IRF6: variants seen among roughly 807,000 people sequenced by gnomAD.
The protein encoded by IRF6 is interferon regulatory factor 6.
IRF6 carries 6 observed loss-of-function variants against 51.4 expected under a neutral mutation model. That is an observed-to-expected ratio of 0.12 (90% CI 0.06 to 0.23). IRF6 has a LOEUF of 0.23. Among genes scored for constraint, IRF6 ranks in the 10% least tolerant of loss-of-function variants. The pLI, the probability that IRF6 is intolerant of heterozygous loss-of-function variation, is 1.00. For synonymous variants in IRF6, 178 were observed against 215.7 expected, an observed-to-expected ratio of 0.83 and a Z score of 1.53; for missense variants, 348 against 585.2, an observed-to-expected ratio of 0.59 and a Z score of 4.18.
chr1:209,797,791 A>G (rs1322669763), intron 3 of IRF6, among the ~76,000 whole-genome samples: 3 of 151,786 alleles, frequency 2.0e-5, no homozygotes, highest in Non-Finnish European at 2.9e-5. Flanking sequence ...TGGGATAGCC[A>G]CTCTCCCCCA....
intron 5 of IRF6, 141 bp downstream of exon 5, chr1:209,795,149 C>T (rs2077892698): frequency 9.0e-6 from 9 of 995,380 alleles, no homozygotes; most frequent in Non-Finnish European, 1.4e-5. Context: ...CCTCTGACTC[C>T]CACTTGCTAA....
chr1:209,801,034 C>A (rs2077937764), intron 3 of IRF6, among the ~76,000 whole-genome samples: 1 of 152,046 alleles, frequency 6.6e-6, no homozygotes, highest in Non-Finnish European at 1.5e-5. Flanking sequence ...TGAGTGAGTA[C>A]CTTCAATGAG....
Position 209,796,808 on chromosome 1 carries a change from G to A in IRF6, c.175-256C>T, listed in dbSNP as rs1290260797. Reference sequence around the variant, plus strand: ...CATGTGCAAACACAATATATTAAAAGGAGGAACCTTATCTCAAGCACTGGT... The same window carrying A: ...CATGTGCAAACACAATATATTAAAAAGAGGAACCTTATCTCAAGCACTGGT... On this transcript the variant is annotated intron_variant, in intron 3 of 8. Transcript: ENST00000367021. This position sits in a 1 kb window ranked among gnomAD's most constrained non-coding sequence, Gnocchi z 4.5. 1.3e-5 allele frequency among the ~76,000 whole-genome samples: 2 copies of A among 152,160 alleles called. No individual in the cohort carries two copies. The highest frequency in any genetic ancestry group is 4.8e-5 in the African/African-American group (2 of 41,434).
intron 2 of IRF6, 108 bp from the exon 3 acceptor site, chr1:209,801,524 T>A (rs775949641): frequency 3.4e-6 from 3 of 887,088 alleles, no homozygotes; most frequent in Non-Finnish European, 5.1e-6. Flanking sequence ...TTCACTAGAT[T>A]ACAGCAAAGA....
At chr1:209,793,286 G>A (rs1456700145) in intron 5 of IRF6, 1 of 152,076 alleles carries the variant, frequency 6.6e-6, no homozygotes, top group African/African-American at 2.4e-5. Flanking sequence ...AAATTTATGG[G>A]AACTGGTTAA....
intron 5 of IRF6, chr1:209,793,296 A>T (rs1178384754): frequency 6.6e-6 from 1 of 152,188 alleles, no homozygotes; most frequent in Non-Finnish European, 1.5e-5. Flanking sequence ...GAACTGGTTA[A>T]ATTTATGTTC....
At chr1:209,789,368 TGTGTG>T (rs1288333378) in intron 8 of IRF6, among the ~76,000 whole-genome samples, 1 of 149,880 alleles carries the variant, frequency 6.7e-6, no homozygotes, top group East Asian at 1.9e-4. Context: ...TGTGTGTGTG[TGTGTG>T]TGTATTTGTG....
In IRF6 at chr1:209,790,186, T is replaced by C. The variant is rs143358724; in HGVS notation, c.1060+309A>G. On this transcript the variant is annotated intron_variant, in intron 7 of 8. Coordinates refer to ENST00000367021, the MANE Select transcript of IRF6 (RefSeq NM_006147.4). This position sits in a 1 kb window ranked among gnomAD's most constrained non-coding sequence, Gnocchi z 4.8. ...TAACAAACAGGATTACCTTCCAAAG[T>C]TAAAGACACGCTGGTAACATTTGAG... is the stretch of plus-strand genomic sequence containing the variant. 1.8e-4 allele frequency among the ~76,000 whole-genome samples: 27 copies of C among 152,324 alleles called. 1 individual carries two copies. In the East Asian group the frequency reaches 2.3e-3, roughly 13 times the overall value.
At chr1:209,802,756 C>T (rs1287667366) in intron 1 of IRF6, among the ~76,000 whole-genome samples, 1 of 152,174 alleles carries the variant, frequency 6.6e-6, no homozygotes. Flanking sequence ...TGAAACCAAA[C>T]AACCTTACAG....
intron 8 of IRF6, 87 bp downstream of exon 8, chr1:209,789,580 G>T: frequency 1.1e-6 from 1 of 925,972 alleles, no homozygotes. Context: ...TGGGCTGATG[G>T]ATGCTTGATG....
chr1:209,804,725 C>T (rs752395676), intron 1 of IRF6, among the ~76,000 whole-genome samples: 2 of 152,212 alleles, frequency 1.3e-5, no homozygotes, highest in Non-Finnish European at 2.9e-5. Context: ...TGTCCTCTCC[C>T]ATACCCCTAT....
chr1:209,803,171 A>G (rs2077954125), intron 1 of IRF6, among the ~76,000 whole-genome samples: 1 of 152,172 alleles, frequency 6.6e-6, no homozygotes, highest in African/African-American at 2.4e-5. Context: ...GAGGGGATGC[A>G]TATTCTCTCA....
At chr1:209,799,602 A>G (rs948276215) in intron 3 of IRF6, among the ~76,000 whole-genome samples, 11 of 152,106 alleles carry the variant, frequency 7.2e-5, no homozygotes, top group Non-Finnish European at 1.6e-4. Flanking sequence ...CCACAGCCCA[A>G]TTTTCCTCAA....
chr1:209,793,199 T>C (rs997588066), intron 5 of IRF6: 4 of 152,200 alleles, frequency 2.6e-5, no homozygotes, highest in Admixed American at 6.5e-5. Context: ...ATCACAAAGA[T>C]TAATGTTTCT....
chr1:209,804,531 C>T (rs766511502), intron 1 of IRF6, among the ~76,000 whole-genome samples: 5 of 152,210 alleles, frequency 3.3e-5, no homozygotes, highest in African/African-American at 7.2e-5. Flanking sequence ...CAAATCCCAA[C>T]GCCTGAAGAA....
At chr1:209,801,115 T>C in intron 3 of IRF6, 125 bp downstream of exon 3, 2 of 835,180 alleles carry the variant, frequency 2.4e-6, no homozygotes, top group Non-Finnish European at 3.8e-6. Context: ...CCTGCTGAGT[T>C]TGGGCACCCC....
intron 8 of IRF6, 58 bp downstream of exon 8, chr1:209,789,609 G>A (rs1308198017): frequency 8.0e-7 from 1 of 1,243,218 alleles, no homozygotes; most frequent in East Asian, 2.3e-5. Flanking sequence ...ACCCAGACCT[G>A]GGGGCTTAAG....
At chr1:209,791,125 C>T (rs1018630527) in intron 6 of IRF6, 1 of 859,746 alleles carries the variant, frequency 1.2e-6, no homozygotes, top group Non-Finnish European at 1.4e-6. Flanking sequence ...TGTTCAATCA[C>T]CACACCCCAA....
intron 4 of IRF6, 129 bp from the exon 5 acceptor site, chr1:209,795,547 C>G: frequency 7.3e-7 from 1 of 1,377,090 alleles, no homozygotes; most frequent in Non-Finnish European, 1.0e-6. Flanking sequence ...CCCTCAATGT[C>G]CTAGCTAAAA....
Sources: gnomAD v4.1 joint callset for allele counts (sites outside exome capture counted in the v4.1 genomes callset) on GRCh38, gnomAD v4.1.1 for gene constraint, Gnocchi (gnomAD v3.1) non-coding constraint, MANE v1.5 for transcripts, NCBI Gene and HGNC (gene_info 2026-07-23, HGNC 2026-07-21) for gene names.